The following MYO19 variants were observed in gnomAD, a reference collection of about 807,000 sequenced individuals.
The protein encoded by MYO19 is myosin XIX, also known as unconventional myosin-XIX.
Under a neutral mutation model 129.2 loss-of-function variants are expected in MYO19, and 132 were observed. That is an observed-to-expected ratio of 1.02 (90% CI 0.89 to 1.18). The LOEUF is 1.18. MYO19 is among the 50% of genes most tolerant of loss of function. The pLI is 0.00. For synonymous variants in MYO19, 531 were observed against 477.2 expected (o/e 1.11, Z -1.47); for missense variants, 1,210 against 1,216.7 (o/e 0.99, Z 0.08).
intron 12 of MYO19, 47 bp downstream of exon 12, chr17:36,511,318 G>A (rs1191419141): frequency 6.5e-7 from 1 of 1,540,948 alleles, no homozygotes; most frequent in Non-Finnish European, 8.8e-7. Flanking sequence ...AGCAATGCTG[G>A]CTACCTTCCT....
In MYO19 at chr17:36,498,500, A is replaced by T. The variant is rs1185477348; in HGVS notation, c.2523T>A (p.Ser841=). ...AGGTGCTCAGGGAACAGGGAGCTTG[A>T]GAGAAGTGTTTTTCTTCCACACCAT... The part of the protein sequence containing the change: ...ELDGVEEKHF[S]QAPCSLSTSP... The change falls in exon 25 of 26, where the codon TCT becomes TCA. Residue 841 remains serine (S), a synonymous_variant. Transcript: ENST00000614623. 6.2e-7 allele frequency: 1 copy of T among 1,613,948 alleles called. No homozygotes were observed. Among genetic ancestry groups the T allele is most frequent in the Non-Finnish European group, 8.5e-7 (1 of 1,179,916 alleles).
chr17:36,522,456 G>A (rs184920307), intron 6 of MYO19, among the ~76,000 whole-genome samples: 424 of 151,090 alleles, frequency 2.8e-3, no homozygotes, highest in Non-Finnish European at 3.1e-3. Context: ...GTTGCAGTGA[G>A]CCGAGATCAC....
intron 23 of MYO19, 87 bp from the exon 24 acceptor site, chr17:36,499,247 C>G: frequency 1.1e-6 from 1 of 912,892 alleles, no homozygotes; most frequent in Non-Finnish European, 1.7e-6. Flanking sequence ...ACCACAGTTG[C>G]TGTCAAAGTT....
At position 36,513,719 on chromosome 17, in the gene MYO19, T is replaced by C; in HGVS notation, c.727A>G (p.Lys243Glu). The C allele has an allele frequency of 6.2e-7, 1 of 1,613,338 alleles. No individual in the cohort carries two copies. The highest frequency in any genetic ancestry group is 8.5e-7 in the Non-Finnish European group (1 of 1,179,680). Residue 243 changes from lysine (K) to glutamate (E), a missense_variant, in exon 10 of 26, where the codon AAA (lysine) becomes GAA (glutamate). Lys to Glu is a moderately conservative substitution (Grantham distance 56). Coordinates refer to ENST00000614623, the MANE Select transcript of MYO19 (RefSeq NM_001163735.2). Reference sequence around the variant, plus strand: ...AGCCTCTCGTCCTCACTGGCTCCTTTGCAAATCTGTGGAGAAGGGTAGGTG... The same window carrying C: ...AGCCTCTCGTCCTCACTGGCTCCTTCGCAAATCTGTGGAGAAGGGTAGGTG... ...RNFHIFYQIC[K>E]GASEDERLQW...
chr17:36,511,698 C>T (rs2072340262), intron 11 of MYO19, among the ~76,000 whole-genome samples: 1 of 152,184 alleles, frequency 6.6e-6, no homozygotes, highest in Non-Finnish European at 1.5e-5. Flanking sequence ...ACTGAGGACA[C>T]GTGCTTCCTG....
intron 3 of MYO19, among the ~76,000 whole-genome samples, chr17:36,528,967 CA>C (rs2073664256): frequency 1.3e-5 from 2 of 152,104 alleles, no homozygotes; most frequent in South Asian, 4.2e-4. Context: ...TGATGTAAAA[CA>C]GCTGTACCTT....
At chr17:36,498,671 C>T in intron 24 of MYO19, 112 bp from the exon 25 acceptor site, 2 of 1,299,560 alleles carry the variant, frequency 1.5e-6, no homozygotes, top group South Asian at 1.5e-5. Flanking sequence ...ACTGAAGGCA[C>T]CTGGTTGCAA....
intron 11 of MYO19, chr17:36,512,543 G>A (rs1300677855): frequency 8.9e-7 from 1 of 1,124,236 alleles, no homozygotes; most frequent in African/African-American, 1.6e-5. Context: ...CCACCAGGCA[G>A]AAGGGCTGTG....
chr17:36,513,361 G>C (rs2072501206), intron 11 of MYO19, 68 bp downstream of exon 11: 2 of 1,613,132 alleles, frequency 1.2e-6, no homozygotes, highest in Non-Finnish European at 1.7e-6. Context: ...CAAGTCCAGG[G>C]AAAAGCTCTA....
chr17:36,537,829 T>C, upstream of MYO19: 1 of 1,614,182 alleles, frequency 6.2e-7, no homozygotes. Flanking sequence ...TTTACCATAA[T>C]AGTTGTGAAA....
intron 13 of MYO19, 49 bp from the exon 14 acceptor site, chr17:36,509,184 A>T: frequency 6.4e-7 from 1 of 1,570,334 alleles, no homozygotes. Context: ...GGCTGAGTCA[A>T]AGGGGTGGTA....
intron 2 of MYO19, chr17:36,533,595 G>A (rs987473180): frequency 2.0e-5 from 3 of 152,274 alleles, no homozygotes; most frequent in African/African-American, 7.2e-5. Context: ...CAGGGATAGG[G>A]ACTTCCATAG....
Position 36,514,705 on chromosome 17 carries a change from TC to T in MYO19, c.618-158del, listed in dbSNP as rs1291351777. On this transcript the variant is annotated intron_variant, in intron 8 of 25. Coordinates refer to ENST00000614623, the MANE Select transcript of MYO19 (RefSeq NM_001163735.2). Reference sequence around the variant, plus strand: ...TGAGGGGTGGGGACCACTCAGAATGTCCTTGGGTGTCCTGGAATATTCCCCT... The same window carrying T: ...TGAGGGGTGGGGACCACTCAGAATGTCTTGGGTGTCCTGGAATATTCCCCT... Among the ~76,000 whole-genome samples, 7 of 152,310 alleles carry T rather than the reference TC, an allele frequency of 4.6e-5. No individual in the cohort carries two copies. In the East Asian group the frequency reaches 1.4e-3, roughly 29 times the overall value.
At chr17:36,507,719 C>A in intron 15 of MYO19, 84 bp downstream of exon 15, 1 of 1,461,290 alleles carries the variant, frequency 6.8e-7, no homozygotes, top group South Asian at 1.4e-5. Context: ...GGCTTCTAAT[C>A]AGAACCTGGA....
intron 17 of MYO19, 48 bp downstream of exon 17, chr17:36,506,915 C>A: frequency 6.7e-7 from 1 of 1,492,258 alleles, no homozygotes. Context: ...AGCAAAGACC[C>A]AGCATCTCGT....
intron 8 of MYO19, 94 bp downstream of exon 8, chr17:36,515,019 G>T: frequency 8.9e-7 from 1 of 1,126,126 alleles, no homozygotes; most frequent in Non-Finnish European, 1.3e-6. Flanking sequence ...CAGGGTTTTT[G>T]CCCATAGGGG....
Position 36,496,178 on chromosome 17 carries a change from C to G in MYO19, c.*73G>C. 1.3e-6 allele frequency: 2 copies of G among 1,567,460 alleles called. No homozygotes were observed. The highest frequency in any genetic ancestry group is 2.3e-5 in the South Asian group (2 of 87,196). On this transcript the variant is annotated 3_prime_UTR_variant, in exon 26 of 26. Coordinates refer to ENST00000614623, the MANE Select transcript of MYO19 (RefSeq NM_001163735.2). ...GAGCACTGTGGGAATAGTCTGGCAGCTGTGTGCTGATTAAATGTCTTTGGC... is the reference window on the plus strand; with the variant it reads ...GAGCACTGTGGGAATAGTCTGGCAGGTGTGTGCTGATTAAATGTCTTTGGC...
chr17:36,505,027 G>A, intron 19 of MYO19: 4 of 659,048 alleles, frequency 6.1e-6, no homozygotes, highest in South Asian at 6.1e-5. Context: ...CATTCCTCTG[G>A]GCAGTTTCAG....
intron 3 of MYO19, among the ~76,000 whole-genome samples, chr17:36,530,841 G>T (rs2073791753): frequency 6.6e-6 from 1 of 152,068 alleles, no homozygotes; most frequent in Admixed American, 6.6e-5. Flanking sequence ...GACTGGTCTT[G>T]AACTCCTGGC....
Sources: gnomAD v4.1 joint callset for allele counts (sites outside exome capture counted in the v4.1 genomes callset) on GRCh38, gnomAD v4.1.1 for gene constraint, MANE v1.5 for transcripts, NCBI Gene and HGNC (gene_info 2026-07-23, HGNC 2026-07-21) for gene names.